The following DCDC1 variants were observed in gnomAD, a reference collection of about 807,000 sequenced individuals.
DCDC1 encodes the protein doublecortin domain-containing protein 1.
DCDC1 carries 200 observed loss-of-function variants against 178.3 expected under a neutral mutation model. The ratio of observed to expected loss-of-function variants is 1.12; its 90% CI spans 1.00 to 1.26. The LOEUF (loss-of-function observed/expected upper bound fraction) is 1.26. Ranked by LOEUF, DCDC1 falls within the 50% of genes most tolerant of loss-of-function variation. DCDC1 has a pLI of 0.00. For synonymous variants in DCDC1, 690 were observed against 604.8 expected, an observed-to-expected ratio of 1.14 and a Z score of -2.07; for missense variants, 1,983 against 1,749.2, an observed-to-expected ratio of 1.13 and a Z score of -2.38.
intron 9 of DCDC1, among the ~76,000 whole-genome samples, chr11:31,217,834 T>C (rs941044313): frequency 6.6e-6 from 1 of 152,150 alleles, no homozygotes; most frequent in African/African-American, 2.4e-5. Flanking sequence ...TTTTATAGAA[T>C]TGTCAGAGAA....
chr11:31,204,092 C>A (rs1273410857), intron 9 of DCDC1, among the ~76,000 whole-genome samples: 1 of 152,036 alleles, frequency 6.6e-6, no homozygotes, highest in Non-Finnish European at 1.5e-5. Flanking sequence ...CTACCATGTC[C>A]AATTTCAAGG....
At chr11:31,120,220 A>T (rs772231128) in intron 11 of DCDC1, among the ~76,000 whole-genome samples, 68 of 152,210 alleles carry the variant, frequency 4.5e-4, no homozygotes, top group Non-Finnish European at 7.5e-4. Flanking sequence ...AGAAGAGAAC[A>T]CTATAACTAA....
At chr11:31,116,638 CAAATATT>C (rs577389026) in intron 11 of DCDC1, among the ~76,000 whole-genome samples, 17 of 151,578 alleles carry the variant, frequency 1.1e-4, no homozygotes, top group Admixed American at 3.3e-4. Context: ...AATGACAAAC[CAAATATT>C]AAAATTATGG....
Position 30,865,323 on chromosome 11 carries a change from G to A in DCDC1, c.*50C>T, listed in dbSNP as rs903406848. The A allele has an allele frequency of 2.0e-5, 3 of 152,084 alleles. No homozygotes were observed. Among genetic ancestry groups the A allele is most frequent in the African/African-American group, 4.8e-5 (2 of 41,392 alleles). 9.4% of individuals were successfully genotyped at this position (152,084 alleles called of 1,614,324 possible). ...TTCTGTTTATAAGTGGGTAAAGAAA[G>A]TTTTCTTTCCTGTAAGGTAGAGAGA... On this transcript the variant is annotated 3_prime_UTR_variant, in exon 39 of 39. Coordinates refer to ENST00000684477, the MANE Select transcript of DCDC1 (RefSeq NM_001387274.1).
chr11:31,170,150 G>C (rs1967032126), intron 9 of DCDC1, among the ~76,000 whole-genome samples: 1 of 152,136 alleles, frequency 6.6e-6, no homozygotes. Flanking sequence ...AGGGAAACTG[G>C]GGCACCATCT....
At chr11:30,934,360 A>G (rs191522197) in intron 21 of DCDC1, among the ~76,000 whole-genome samples, 45 of 152,312 alleles carry the variant, frequency 3.0e-4, no homozygotes, top group African/African-American at 1.0e-3. Context: ...CAATTAGACT[A>G]AAGCACAAGT....
chr11:31,247,659 C>T (rs1441575049), intron 8 of DCDC1, among the ~76,000 whole-genome samples: 1 of 151,962 alleles, frequency 6.6e-6, no homozygotes, highest in Non-Finnish European at 1.5e-5. Flanking sequence ...ACGCTTTATG[C>T]CTCTTTCTAC....
intron 9 of DCDC1, among the ~76,000 whole-genome samples, chr11:31,191,290 A>C (rs1330093872): frequency 6.6e-6 from 1 of 152,082 alleles, no homozygotes; most frequent in Non-Finnish European, 1.5e-5. Context: ...TATGTTCATA[A>C]ATTAGGCCTT....
Position 31,349,521 on chromosome 11 carries a change from G to T in DCDC1, c.-124-13957C>A, listed in dbSNP as rs571562529. Among the ~76,000 whole-genome samples the T allele has an allele frequency of 7.2e-5, 11 of 152,086 alleles. No individual in the cohort carries two copies. In the South Asian group the frequency reaches 2.3e-3, roughly 32 times the overall value. ...ATGTAAACACAATTTTAATTAACTT[G>T]TCTTATTAAAGACAATTTAAATGAT... On this transcript the variant is annotated intron_variant, in intron 1 of 38. Coordinates refer to ENST00000684477, the MANE Select transcript of DCDC1 (RefSeq NM_001387274.1).
intron 22 of DCDC1, among the ~76,000 whole-genome samples, chr11:30,925,781 C>T (rs748069386): frequency 1.3e-5 from 2 of 152,124 alleles, no homozygotes; most frequent in East Asian, 3.8e-4. Context: ...TCTGTGCCTG[C>T]GTTCTTTCTC....
intron 20 of DCDC1, among the ~76,000 whole-genome samples, chr11:31,057,428 A>G (rs1347480706): frequency 1.3e-5 from 2 of 152,208 alleles, no homozygotes; most frequent in African/African-American, 4.8e-5. Context: ...GAAATATTTC[A>G]TATATTTGGA....
At chr11:30,907,642 A>G (rs1945158684) in intron 29 of DCDC1, among the ~76,000 whole-genome samples, 4 of 152,110 alleles carry the variant, frequency 2.6e-5, no homozygotes, top group Non-Finnish European at 1.5e-5. Flanking sequence ...CAATGTTCCC[A>G]GCTAACAGCC....
chr11:30,986,843 TA>T (rs1223555632), intron 20 of DCDC1, among the ~76,000 whole-genome samples: 1 of 152,050 alleles, frequency 6.6e-6, no homozygotes, highest in East Asian at 1.9e-4. Context: ...CCAAATATAA[TA>T]GAGTAAACAG....
intron 38 of DCDC1, among the ~76,000 whole-genome samples, chr11:30,874,315 G>A (rs978809004): frequency 3.3e-5 from 5 of 152,154 alleles, no homozygotes; most frequent in African/African-American, 1.2e-4. Flanking sequence ...ACCAAGCCTG[G>A]AAATCTGTAT....
In DCDC1 at chr11:30,952,536, G is replaced by A. The variant is rs1488882859; in HGVS notation, c.2624C>T (p.Pro875Leu). ...AACTCTAGAATGTTTCCACTGGCCT[G>A]GCTTACTGGTTCCTTCATGTTTTAT... ...WAIKHEGTSK[P>L]GQWKHSRVEN... Residue 875 changes from proline (P) to leucine (L), a missense_variant, in exon 21 of 39, where the codon CCA becomes CTA. By Grantham distance (98) the Pro-to-Leu change is moderately conservative. Transcript: ENST00000684477. The A allele has an allele frequency of 6.4e-7, 1 of 1,552,306 alleles. No individual in the cohort carries two copies. Among genetic ancestry groups the A allele is most frequent in the Non-Finnish European group, 8.8e-7 (1 of 1,142,198 alleles).
chr11:31,146,794 T>A (rs1321096384), intron 9 of DCDC1, among the ~76,000 whole-genome samples: 1 of 152,172 alleles, frequency 6.6e-6, no homozygotes, highest in Non-Finnish European at 1.5e-5. Flanking sequence ...GACACTATCA[T>A]CACTATAGAG....
chr11:31,109,680 G>A (rs991206023), intron 12 of DCDC1, among the ~76,000 whole-genome samples: 3 of 152,132 alleles, frequency 2.0e-5, no homozygotes, highest in African/African-American at 4.8e-5. Context: ...ACTGCTGTGC[G>A]CTCGGGTGCA....
intron 9 of DCDC1, among the ~76,000 whole-genome samples, chr11:31,166,310 G>C (rs919332790): frequency 6.6e-6 from 1 of 152,066 alleles, no homozygotes; most frequent in Non-Finnish European, 1.5e-5. Context: ...AAACCATTAC[G>C]ATTTTTACTA....
intron 11 of DCDC1, among the ~76,000 whole-genome samples, chr11:31,118,457 T>A (rs1202002697): frequency 6.6e-6 from 1 of 152,142 alleles, no homozygotes; most frequent in Non-Finnish European, 1.5e-5. Flanking sequence ...AAATCTGCAT[T>A]CATTTATGTT....
Sources: allele counts gnomAD v4.1 joint callset (sites outside exome capture counted in the v4.1 genomes callset), GRCh38; gene constraint gnomAD v4.1.1; transcripts MANE v1.5; gene names NCBI Gene and HGNC (gene_info 2026-07-23, HGNC 2026-07-21).